SP1: variants seen among roughly 807,000 people sequenced by gnomAD.
SP1 encodes Sp1 transcription factor.
Under a neutral mutation model 66.3 loss-of-function variants are expected in SP1, and 6 were observed. The ratio of observed to expected loss-of-function variants is 0.09; its 90% CI spans 0.05 to 0.18. SP1 has a LOEUF of 0.18. Among genes scored for constraint, SP1 ranks in the 10% least tolerant of loss-of-function variants. SP1 has a pLI of 1.00. For missense variants in SP1, 848 were observed against 964.5 expected, an observed-to-expected ratio of 0.88 and a Z score of 1.60; for synonymous variants, 417 against 360.8, an observed-to-expected ratio of 1.16 and a Z score of -1.77.
intron 3 of SP1, among the ~76,000 whole-genome samples, chr12:53,384,077 C>T (rs1175707049): frequency 6.6e-6 from 1 of 150,798 alleles, no homozygotes; most frequent in Non-Finnish European, 1.5e-5. Context: ...TCACGCCATT[C>T]TCCTGCCTCA....
rs1938922714 is a variant in SP1, at chr12:53,412,865, C to G, written c.*1625C>G. ...CAAGGCCCAGCCATAAAAGCATTGT[C>G]TCTCTCGACCTTCTGGTATCTTGTT... is the stretch of plus-strand genomic sequence containing the variant. On this transcript the variant is annotated 3_prime_UTR_variant, in exon 6 of 6. Transcript: ENST00000327443. The G allele has an allele frequency of 6.6e-6, 1 of 152,524 alleles. No individual in the cohort carries two copies. Among genetic ancestry groups the G allele is most frequent in the African/African-American group, 2.4e-5 (1 of 41,418 alleles). 9.4% of individuals were successfully genotyped at this position (152,524 alleles called of 1,614,324 possible).
rs757231295 is a variant in SP1, at chr12:53,384,819, C to G, written c.1675+1197C>G. 2.7e-5 allele frequency among the ~76,000 whole-genome samples: 4 copies of G among 150,358 alleles called. No homozygotes were observed. In the East Asian group the frequency reaches 7.9e-4, roughly 30 times the overall value. On this transcript the variant is annotated intron_variant, in intron 3 of 5. Coordinates refer to ENST00000327443, the MANE Select transcript of SP1 (RefSeq NM_138473.3). ...GGGCAACATGGCGAAACCCTGTCTT[C>G]GACAAAAATACAAAAATTGGCCGGG...
At position 53,380,277 on chromosome 12, in the gene SP1, C is replaced by A. The variant is rs755435898; in HGVS notation, c.-15C>A. On this transcript the variant is annotated 5_prime_UTR_variant, in exon 1 of 6. Transcript: ENST00000327443. ...CCGGACAGGACCCCCTTGAGCTTGT[C>A]CCTCAGCTGCCACCATGAGCGGTAA... 1.6e-5 allele frequency: 14 copies of A among 900,418 alleles called. No homozygotes were observed. Among genetic ancestry groups the A allele is most frequent in the Admixed American group, 1.3e-4 (7 of 52,764 alleles). 55.8% of individuals were successfully genotyped at this position (900,418 alleles called of 1,614,324 possible).
chr12:53,407,938 CTTT>C (rs1172953734), intron 4 of SP1, among the ~76,000 whole-genome samples: 1 of 131,552 alleles, frequency 7.6e-6, no homozygotes. Flanking sequence ...GGCGCCCGGC[CTTT>C]TTTTTTTTTT....
intron 3 of SP1, among the ~76,000 whole-genome samples, chr12:53,396,906 G>A (rs569526150): frequency 6.6e-6 from 1 of 152,108 alleles, no homozygotes; most frequent in East Asian, 1.9e-4. Flanking sequence ...TGGGATTACA[G>A]GTGTGAGCCA....
Position 53,383,460 on chromosome 12 carries a change from A to G in SP1, c.1513A>G (p.Ile505Val), listed in dbSNP as rs767498988. The change falls in exon 3 of 6, where the codon ATT (isoleucine) becomes GTT (valine). Residue 505 changes from isoleucine to valine, a missense_variant. By Grantham distance (29) the Ile-to-Val change is conservative. Around this residue, in one of 7 missense-constraint regions of SP1, gnomAD observed 606 missense variants for 589.9 expected, o/e 1.03. Transcript: ENST00000327443. ...CAGCAGCAACACCACTCTCACACCC[A>G]TTGCCTCAGCTGCTTCCATTCCTGC... ...TSSSNTTLTP[I>V]ASAASIPAGT... 3 of 1,614,130 alleles carry G rather than the reference A, an allele frequency of 1.9e-6. No homozygotes were observed. The highest frequency in any genetic ancestry group is 2.2e-5 in the East Asian group (1 of 44,884).
At chr12:53,389,908 CA>C (rs1938312031) in intron 3 of SP1, among the ~76,000 whole-genome samples, 1 of 152,014 alleles carries the variant, frequency 6.6e-6, no homozygotes, top group Non-Finnish European at 1.5e-5. Context: ...ATTCACAAAC[CA>C]AATTTCAGGT....
intron 1 of SP1, chr12:53,380,572 C>G (rs1408337947): frequency 2.0e-5 from 16 of 818,622 alleles, no homozygotes; most frequent in Non-Finnish European, 2.4e-5. Context: ...GGCCTTACCC[C>G]CCACTACTCG....
chr12:53,383,290 C>G lies in SP1; in HGVS notation c.1343C>G (p.Pro448Arg). The G allele has an allele frequency of 6.2e-7, 1 of 1,614,250 alleles. No individual in the cohort carries two copies. Among genetic ancestry groups the G allele is most frequent in the South Asian group, 1.1e-5 (1 of 91,086 alleles). ...CTTCAGGCTGTTCCAAACTCTGGTC[C>G]CATCATCATCCGGACACCAACAGTG... ...LQLQAVPNSG[P>R]IIIRTPTVGP... Residue 448 changes from proline (P) to arginine (R), a missense_variant, in exon 3 of 6, where the codon CCC (proline) becomes CGC (arginine). Transcript: ENST00000327443.
chr12:53,389,779 G>A (rs1037749824), intron 3 of SP1, among the ~76,000 whole-genome samples: 9 of 152,042 alleles, frequency 5.9e-5, no homozygotes, highest in African/African-American at 1.7e-4. Flanking sequence ...GCAGGTTGAC[G>A]GGGAGTTGGC....
chr12:53,414,197 G>C lies in SP1; in HGVS notation c.*2957G>C, dbSNP rs544319971. ...AAGTTTTTTTCATTTTTTTGAATGAGTTTTTTAAATTTTTTAGATGACCAA... is the reference window on the plus strand; with the variant it reads ...AAGTTTTTTTCATTTTTTTGAATGACTTTTTTAAATTTTTTAGATGACCAA... On this transcript the variant is annotated 3_prime_UTR_variant, in exon 6 of 6. Transcript: ENST00000327443. 8 of 152,396 alleles carry C rather than the reference G, an allele frequency of 5.2e-5. No homozygotes were observed. In the East Asian group the frequency reaches 1.5e-3, roughly 29 times the overall value. The allele number at this position is 152,396 out of a possible 1,614,324, so 9.4% of individuals were successfully genotyped here.
At chr12:53,387,482 A>G (rs1014884539) in intron 3 of SP1, among the ~76,000 whole-genome samples, 1 of 152,192 alleles carries the variant, frequency 6.6e-6, no homozygotes, top group East Asian at 1.9e-4. Flanking sequence ...TTAACAAGAC[A>G]GTAATTTTCT....
At chr12:53,385,704 G>C (rs1488738627) in intron 3 of SP1, among the ~76,000 whole-genome samples, 1 of 152,052 alleles carries the variant, frequency 6.6e-6, no homozygotes, top group African/African-American at 2.4e-5. Context: ...CATGAGGTCA[G>C]GAGTTCAAGA....
chr12:53,409,722 A>AGG (rs1938834839), intron 5 of SP1, among the ~76,000 whole-genome samples, 161 bp downstream of exon 5: 2 of 152,206 alleles, frequency 1.3e-5, no homozygotes, highest in South Asian at 2.1e-4. Flanking sequence ...TTAAGAAGGA[A>AGG]GGAGGGGCTG....
chr12:53,380,680 C>T, intron 1 of SP1: 1 of 988,274 alleles, frequency 1.0e-6, no homozygotes, highest in African/African-American at 1.7e-5. Context: ...CTGGTCCGCC[C>T]TCTGGTCGCC....
chr12:53,386,312 G>A (rs1204177998), intron 3 of SP1, among the ~76,000 whole-genome samples: 1 of 152,000 alleles, frequency 6.6e-6, no homozygotes, highest in Non-Finnish European at 1.5e-5. Flanking sequence ...GGGGATGTAG[G>A]ATTGAGAAGA....
chr12:53,391,346 C>CTTTTTTTTTTTTTTTTTTTTTTTTTT (rs71068117), intron 3 of SP1, among the ~76,000 whole-genome samples: 1 of 97,460 alleles, frequency 1.0e-5, no homozygotes, highest in African/African-American at 3.9e-5. Flanking sequence ...TAAGTAATGT[C>CTTTTTTTTTTTTTTTTTTTTTTTTTT]TTTTTTTTTT....
chr12:53,383,306 A>G lies in SP1; in HGVS notation c.1359A>G (p.Thr453=), dbSNP rs1230811290. 6.2e-7 allele frequency: 1 copy of G among 1,614,178 alleles called. No homozygotes were observed. The highest frequency in any genetic ancestry group is 2.2e-5 in the East Asian group (1 of 44,886). ...VPNSGPIIIR[T]PTVGPNGQVS... The stretch of plus-strand genomic sequence containing the variant: ...ACTCTGGTCCCATCATCATCCGGAC[A>G]CCAACAGTGGGGCCCAATGGACAGG... The change falls in exon 3 of 6, where the codon ACA becomes ACG. Residue 453 remains threonine (T), a synonymous_variant. Coordinates refer to ENST00000327443, the MANE Select transcript of SP1 (RefSeq NM_138473.3).
In SP1 at chr12:53,382,749, C is replaced by T; in HGVS notation, c.802C>T (p.Pro268Ser). Residue 268 changes from proline to serine, a missense_variant, in exon 3 of 6, where the codon CCT becomes TCT. Transcript: ENST00000327443. Reference protein sequence around the residue: ...VALNGNITLLPVNSVSAATLT... With the variant: ...VALNGNITLLSVNSVSAATLT... The stretch of plus-strand genomic sequence containing the variant: ...CCTGAATGGGAACATCACCTTGCTA[C>T]CTGTCAACAGCGTTTCTGCAGCTAC... The T allele has an allele frequency of 6.2e-7, 1 of 1,614,176 alleles. No homozygotes were observed. Among genetic ancestry groups the T allele is most frequent in the Non-Finnish European group, 8.5e-7 (1 of 1,180,034 alleles).
Sources: allele counts gnomAD v4.1 joint callset (sites outside exome capture counted in the v4.1 genomes callset), GRCh38; gene constraint gnomAD v4.1.1; regional missense constraint gnomAD v4.1.1; transcripts MANE v1.5; gene names NCBI Gene and HGNC (gene_info 2026-07-23, HGNC 2026-07-21).